Variants in LRFN2 observed in about 807,000 individuals in gnomAD.
The protein encoded by LRFN2 is leucine-rich repeat and fibronectin type-III domain-containing protein 2.
In LRFN2, 18 loss-of-function variants were observed where a neutral mutation model predicts 37.3. That is an observed-to-expected ratio of 0.48 (90% confidence interval 0.33 to 0.72). The LOEUF (loss-of-function observed/expected upper bound fraction) is 0.72, where lower values mean the gene tolerates loss of function less well. LRFN2 is among the 30% of genes least tolerant of loss of function. The pLI, the probability that LRFN2 is intolerant of heterozygous loss-of-function variation, is 0.02. For synonymous variants in LRFN2, 556 were observed against 466.6 expected, an observed-to-expected ratio of 1.19 and a Z score of -2.47; for missense variants, 1,006 against 1,060.7, an observed-to-expected ratio of 0.95 and a Z score of 0.72.
At chr6:40,540,581 T>C (rs999609343) in intron 1 of LRFN2, among the ~76,000 whole-genome samples, 2 of 152,144 alleles carry the variant, frequency 1.3e-5, no homozygotes, top group African/African-American at 4.8e-5. Flanking sequence ...ACTGGCAGCA[T>C]GGGGAAGGAA....
At chr6:40,562,831 T>TCTCACA (rs1554144906) in intron 1 of LRFN2, among the ~76,000 whole-genome samples, 199 of 144,146 alleles carry the variant, frequency 1.4e-3, no homozygotes, top group African/African-American at 5.2e-3. Context: ...GTGCGTGCAC[T>TCTCACA]CACTCACACA....
chr6:40,520,562 T>C (rs1766031519), intron 1 of LRFN2, among the ~76,000 whole-genome samples: 1 of 152,236 alleles, frequency 6.6e-6, no homozygotes, highest in African/African-American at 2.4e-5. Flanking sequence ...GTGGCCTTCC[T>C]GTCCTTTCCT....
intron 1 of LRFN2, among the ~76,000 whole-genome samples, chr6:40,583,215 A>T (rs1317445139): frequency 6.6e-6 from 1 of 151,192 alleles, no homozygotes; most frequent in African/African-American, 2.4e-5. Context: ...TATATACACT[A>T]TATACATATA....
chr6:40,432,471 CA>C lies in LRFN2; in HGVS notation c.642del (p.Asp215IlefsTer12), dbSNP rs1763526597. 3 of 1,614,088 alleles carry C rather than the reference CA, an allele frequency of 1.9e-6. No individual in the cohort carries two copies. Among genetic ancestry groups the C allele is most frequent in the Non-Finnish European group, 1.7e-6 (2 of 1,180,044 alleles). On this transcript the variant is annotated frameshift_variant, in exon 2 of 3. Transcript: ENST00000338305. LOFTEE classifies it high-confidence loss of function. ...LTSNRLQKLP[P>X]DPIFARSQAS... ...GCCTGGGAGCGGGCAAAGATGGGAT[CA>C]GGGGGCAGCTTCTGCAGCCGATTGG...
chr6:40,442,304 G>A (rs1763856596), intron 1 of LRFN2, among the ~76,000 whole-genome samples: 2 of 152,198 alleles, frequency 1.3e-5, no homozygotes, highest in African/African-American at 4.8e-5. Flanking sequence ...CCTCATTATG[G>A]TTGGCCCAGG....
intron 1 of LRFN2, among the ~76,000 whole-genome samples, chr6:40,529,188 C>T (rs1766306138): frequency 6.6e-6 from 1 of 152,136 alleles, no homozygotes; most frequent in Non-Finnish European, 1.5e-5. Flanking sequence ...GAGAGCAGGG[C>T]AGCTCTGAAG....
At chr6:40,410,396 C>T (rs1037600375) in intron 2 of LRFN2, among the ~76,000 whole-genome samples, 4 of 152,134 alleles carry the variant, frequency 2.6e-5, no homozygotes, top group Non-Finnish European at 4.4e-5. Flanking sequence ...GGCAGCAGCA[C>T]GTCCCTGACC....
intron 2 of LRFN2, among the ~76,000 whole-genome samples, chr6:40,393,340 G>A (rs1002147041): frequency 1.3e-5 from 2 of 151,916 alleles, no homozygotes; most frequent in African/African-American, 2.4e-5. Context: ...GTCAGAGACC[G>A]AGGATGTGTC....
chr6:40,556,148 T>C (rs1338958274), intron 1 of LRFN2, among the ~76,000 whole-genome samples: 3 of 152,290 alleles, frequency 2.0e-5, no homozygotes, highest in African/African-American at 7.2e-5. Context: ...AGGTGTAGAA[T>C]TGGCCTTATG....
chr6:40,441,169 G>A (rs1358539118), intron 1 of LRFN2, among the ~76,000 whole-genome samples: 10 of 152,150 alleles, frequency 6.6e-5, no homozygotes, highest in Non-Finnish European at 1.3e-4. Context: ...TTCTACCCAG[G>A]GTATTCACGA....
chr6:40,511,389 A>C (rs1388374721), intron 1 of LRFN2, among the ~76,000 whole-genome samples: 2 of 152,218 alleles, frequency 1.3e-5, no homozygotes, highest in Non-Finnish European at 2.9e-5. Context: ...TTGATTGCAG[A>C]ATGCGTTTCA....
Position 40,392,291 on chromosome 6 carries a change from C to T in LRFN2, c.2022G>A (p.Leu674=), listed in dbSNP as rs760022840. 25 of 1,608,108 alleles carry T rather than the reference C, an allele frequency of 1.6e-5. No homozygotes were observed. The highest frequency in any genetic ancestry group is 2.0e-5 in the Non-Finnish European group (24 of 1,177,704). ...CTCTCCCGGCTGGAGTCCTGGAGTC[C>T]AGCAGCTCCTCCTTTCTCTGACTCT... The part of the protein sequence containing the change: ...DLKSQRKEEL[L]DSRTPAGRGA... Residue 674 remains leucine, a synonymous_variant, in exon 3 of 3, where the codon CTG becomes CTA. Transcript: ENST00000338305. The surrounding 1 kb of genome is among the most constrained non-coding windows in gnomAD (Gnocchi z 4.7).
chr6:40,436,457 G>A (rs1763677814), intron 1 of LRFN2, among the ~76,000 whole-genome samples: 1 of 151,956 alleles, frequency 6.6e-6, no homozygotes, highest in South Asian at 2.1e-4. Context: ...GTCCTTTACA[G>A]AAAGAGTTTG....
chr6:40,575,492 C>T (rs1767261859), intron 1 of LRFN2, among the ~76,000 whole-genome samples: 1 of 152,220 alleles, frequency 6.6e-6, no homozygotes, highest in Non-Finnish European at 1.5e-5. Context: ...GCCTGCCCTT[C>T]TGCCCTTGCT....
At chr6:40,436,324 T>C (rs181674651) in intron 1 of LRFN2, among the ~76,000 whole-genome samples, 1 of 152,344 alleles carries the variant, frequency 6.6e-6, no homozygotes, top group Admixed American at 6.5e-5. Flanking sequence ...TAAAATTTTA[T>C]TAGAACACAG....
chr6:40,400,027 A>G (rs2113796144), intron 2 of LRFN2, among the ~76,000 whole-genome samples: 1 of 151,800 alleles, frequency 6.6e-6, no homozygotes, highest in Non-Finnish European at 1.5e-5. Context: ...CCTTAGCATC[A>G]TATCTTTCTC....
intron 1 of LRFN2, among the ~76,000 whole-genome samples, chr6:40,580,693 A>T (rs1410320044): frequency 6.6e-6 from 1 of 152,190 alleles, no homozygotes; most frequent in Non-Finnish European, 1.5e-5. Context: ...GTAGACAGTG[A>T]GCTGGAAGGG....
At chr6:40,497,281 C>G (rs1247213841) in intron 1 of LRFN2, among the ~76,000 whole-genome samples, 1 of 152,176 alleles carries the variant, frequency 6.6e-6, no homozygotes, top group Non-Finnish European at 1.5e-5. Flanking sequence ...TTCTCACCCA[C>G]TGAGGACCCT....
rs573834479 is a variant in LRFN2 at position 40,489,126 on chromosome 6, A to T, written c.-18-55995T>A. Among the ~76,000 whole-genome samples, 5 of 152,276 alleles carry T rather than the reference A, an allele frequency of 3.3e-5. No individual in the cohort carries two copies. The East Asian group carries it at 9.7e-4, about 29-fold the overall frequency. ...GCACACATACACCTCACAGCACACC[A>T]GGAAAAAGCAGGCACACCCCACCCT... On this transcript the variant is annotated intron_variant, in intron 1 of 2. Coordinates refer to ENST00000338305, the MANE Select transcript of LRFN2 (RefSeq NM_020737.3).
Sources: allele counts gnomAD v4.1 joint callset (sites outside exome capture counted in the v4.1 genomes callset), GRCh38; gene constraint gnomAD v4.1.1; non-coding constraint Gnocchi (gnomAD v3.1); transcripts MANE v1.5; gene names NCBI Gene and HGNC (gene_info 2026-07-23, HGNC 2026-07-21).